MYH10: variants seen among roughly 807,000 people sequenced by gnomAD.
MYH10 encodes myosin-10.
A neutral mutation model predicts 257.8 loss-of-function variants in MYH10; 55 were observed. The ratio of observed to expected loss-of-function variants is 0.21; its 90% CI spans 0.17 to 0.27. MYH10 has a LOEUF of 0.27. MYH10 is among the 10% of genes least tolerant of loss of function. The pLI is 1.00. For synonymous variants in MYH10, 854 were observed against 921.7 expected (o/e 0.93, Z 1.33); for missense variants, 1,631 against 2,500.6 (o/e 0.65, Z 7.42).
At chr17:8,630,419 C>T (rs1019250638) in intron 1 of MYH10, among the ~76,000 whole-genome samples, 2 of 152,084 alleles carry the variant, frequency 1.3e-5, no homozygotes, top group Non-Finnish European at 2.9e-5. Flanking sequence ...CCATCTCCAC[C>T]CACTGAGGTC....
At chr17:8,514,373 C>T (rs186268287) in intron 21 of MYH10, among the ~76,000 whole-genome samples, 4 of 152,220 alleles carry the variant, frequency 2.6e-5, no homozygotes, top group South Asian at 4.2e-4. Flanking sequence ...TCCACTTTGC[C>T]GCAATGGAGC....
At chr17:8,532,204 A>G (rs1202893778) in intron 16 of MYH10, among the ~76,000 whole-genome samples, 1 of 152,258 alleles carries the variant, frequency 6.6e-6, no homozygotes, top group Non-Finnish European at 1.5e-5. Flanking sequence ...TAGCAGAGCC[A>G]AAGCAAACCT....
chr17:8,627,592 G>A (rs1480237513), intron 1 of MYH10, among the ~76,000 whole-genome samples: 1 of 152,138 alleles, frequency 6.6e-6, no homozygotes, highest in Admixed American at 6.5e-5. Flanking sequence ...GACCATTGGA[G>A]ATATTTTGTT....
At chr17:8,566,874 C>T (rs531936038) in intron 7 of MYH10, among the ~76,000 whole-genome samples, 5 of 152,144 alleles carry the variant, frequency 3.3e-5, no homozygotes, top group Admixed American at 3.3e-4. Context: ...ACATTCTTTA[C>T]CCAAGGACAC....
At chr17:8,555,243 T>C (rs972364810) in intron 7 of MYH10, among the ~76,000 whole-genome samples, 1 of 152,218 alleles carries the variant, frequency 6.6e-6, no homozygotes, top group African/African-American at 2.4e-5. Context: ...TTATTCATCA[T>C]ATAAACAGTC....
chr17:8,571,471 TGA>T lies in MYH10; in HGVS notation c.664-1661_664-1660del, dbSNP rs534537564. Among the ~76,000 whole-genome samples, 9 of 152,110 alleles carry T rather than the reference TGA, an allele frequency of 5.9e-5. No homozygotes were observed. In the South Asian group the frequency reaches 1.9e-3, roughly 32 times the overall value. ...TGGTATCCTGAACAACTTTGATGAC[TGA>T]GAGCCATTGTTAAAAATGCCAGTCA... On this transcript the variant is annotated intron_variant, in intron 6 of 42. Coordinates refer to ENST00000360416, the MANE Select transcript of MYH10 (RefSeq NM_001256012.3).
chr17:8,603,682 A>C (rs2084693469), intron 3 of MYH10, among the ~76,000 whole-genome samples: 1 of 152,216 alleles, frequency 6.6e-6, no homozygotes, highest in South Asian at 2.1e-4. Context: ...CAAAAACAAA[A>C]AGAGTGGATG....
chr17:8,609,395 A>G (rs1222763485), intron 2 of MYH10, among the ~76,000 whole-genome samples: 2 of 152,150 alleles, frequency 1.3e-5, no homozygotes, highest in Non-Finnish European at 2.9e-5. Flanking sequence ...TACCACCTGC[A>G]AACACTGCAC....
Position 8,476,978 on chromosome 17 carries a change from C to T in MYH10, c.5777G>A (p.Arg1926His), listed in dbSNP as rs753298336. The T allele has an allele frequency of 7.4e-6, 12 of 1,614,060 alleles. No homozygotes were observed. The highest frequency in any genetic ancestry group is 4.5e-5 in the East Asian group (2 of 44,902). The part of the protein sequence containing the change: ...QLEEAEEEAT[R>H]ANASRRKLQR... The stretch of plus-strand genomic sequence containing the variant: ...GAGTTTACGCCGAGATGCGTTGGCA[C>T]GCGTCGCTTCTTCTTCTGCTTCCTC... The change falls in exon 42 of 43, where the codon CGT becomes CAT. Residue 1926 changes from arginine to histidine, a missense_variant. Transcript: ENST00000360416.
At chr17:8,512,783 G>T in intron 23 of MYH10, 126 bp from the exon 24 acceptor site, 1 of 727,976 alleles carries the variant, frequency 1.4e-6, no homozygotes, top group Non-Finnish European at 2.1e-6. Context: ...AACATCACGG[G>T]AAGAACTTTC....
At chr17:8,563,909 A>G (rs947321834) in intron 7 of MYH10, among the ~76,000 whole-genome samples, 2 of 149,532 alleles carry the variant, frequency 1.3e-5, no homozygotes, top group Non-Finnish European at 3.0e-5. Flanking sequence ...AAAAAAAAAG[A>G]GAGAGAGAAA....
At position 8,548,628 on chromosome 17, in the gene MYH10, G is replaced by C; in HGVS notation, c.1063+16C>G. 4.3e-6 allele frequency: 7 copies of C among 1,613,000 alleles called. No homozygotes were observed. The highest frequency in any genetic ancestry group is 5.1e-6 in the Non-Finnish European group (6 of 1,179,610). ...TAGGAAAGTGAGTACCAGAATCTTA[G>C]AGAAATCACACATACACAGAATCTC... is the stretch of plus-strand genomic sequence containing the variant. On this transcript the variant is annotated intron_variant, in intron 10 of 42. Coordinates refer to ENST00000360416, the MANE Select transcript of MYH10 (RefSeq NM_001256012.3).
chr17:8,557,110 T>C (rs1207685332), intron 7 of MYH10, among the ~76,000 whole-genome samples: 2 of 152,116 alleles, frequency 1.3e-5, no homozygotes, highest in African/African-American at 2.4e-5. Flanking sequence ...ATTTACCTTA[T>C]ATTAAAAAAA....
At chr17:8,598,457 A>G (rs2084468309) in intron 3 of MYH10, among the ~76,000 whole-genome samples, 1 of 151,858 alleles carries the variant, frequency 6.6e-6, no homozygotes, top group Admixed American at 6.6e-5. Flanking sequence ...CTCTTCCTAC[A>G]TTTTCCCTCT....
chr17:8,603,427 T>C (rs2152073889), intron 3 of MYH10, among the ~76,000 whole-genome samples: 1 of 152,330 alleles, frequency 6.6e-6, no homozygotes, highest in South Asian at 2.1e-4. Flanking sequence ...TTTAAAAAAT[T>C]AGAATGATAC....
chr17:8,563,236 T>C (rs1046598931), intron 7 of MYH10, among the ~76,000 whole-genome samples: 1 of 152,212 alleles, frequency 6.6e-6, no homozygotes, highest in South Asian at 2.1e-4. Flanking sequence ...GCTATCTTAA[T>C]CTCCAAACCA....
At chr17:8,563,618 C>T (rs1448075072) in intron 7 of MYH10, among the ~76,000 whole-genome samples, 1 of 152,182 alleles carries the variant, frequency 6.6e-6, no homozygotes, top group African/African-American at 2.4e-5. Flanking sequence ...CTGATACTGT[C>T]ACATTTGCCT....
chr17:8,487,901 A>G (rs1447913849), intron 35 of MYH10, among the ~76,000 whole-genome samples: 1 of 152,118 alleles, frequency 6.6e-6, no homozygotes, highest in Non-Finnish European at 1.5e-5. Context: ...ACCCAAGACA[A>G]TACGGTAACC....
At chr17:8,622,774 TA>T (rs1470664903) in intron 2 of MYH10, 127 bp downstream of exon 2, 1 of 1,140,826 alleles carries the variant, frequency 8.8e-7, no homozygotes, top group African/African-American at 1.6e-5. Flanking sequence ...CTTTCTATCT[TA>T]AAGAGAAATA....
Sources: gnomAD v4.1 joint callset for allele counts (sites outside exome capture counted in the v4.1 genomes callset) on GRCh38, gnomAD v4.1.1 for gene constraint, MANE v1.5 for transcripts, NCBI Gene and HGNC (gene_info 2026-07-23, HGNC 2026-07-21) for gene names.